The following GEMIN8 variants were observed in gnomAD, a reference collection of about 807,000 sequenced individuals.
GEMIN8 encodes gem-associated protein 8.
For missense variants in GEMIN8, 185 were observed against 205.9 expected, an observed-to-expected ratio of 0.90 and a Z score of 0.62; for synonymous variants, 80 against 78.5, an observed-to-expected ratio of 1.02 and a Z score of -0.10.
the GEMIN8 span, among the ~76,000 whole-genome samples, chrX:13,986,431 T>C: frequency 1.8e-5 from 2 of 112,451 alleles, no homozygotes; most frequent in Non-Finnish European, 3.8e-5. Flanking sequence ...AGTCCAGAGC[T>C]GGTGTGTGGC....
At chrX:14,013,545 T>C (rs1402918749) in intron 4 of GEMIN8, among the ~76,000 whole-genome samples, 2 of 111,626 alleles carry the variant, frequency 1.8e-5, no homozygotes. Context: ...AGGATCAAGA[T>C]GAGATCATAC....
At position 14,014,550 on chromosome X, in the gene GEMIN8, AAC is replaced by A. The variant is rs1454244684; in HGVS notation, c.473-5383_473-5382del. 4.0e-5 allele frequency: 30 copies of A among 746,399 alleles called. No homozygotes were observed. In the African/African-American group the frequency reaches 6.5e-4, roughly 16 times the overall value. 61.5% of individuals were successfully genotyped at this position (746,399 alleles called of 1,213,427 possible). The stretch of plus-strand genomic sequence containing the variant: ...ACCTGTGAATATCTGCACCAGATGA[AAC>A]ACACACGCATGTCAGGATTGTGCTC... On this transcript the variant is annotated intron_variant, in intron 4 of 4. Transcript: ENST00000680255.
chrX:14,011,516 C>CTTTTTTTTTTTTTTTTTTT lies in GEMIN8; in HGVS notation c.473-2366_473-2348dup, dbSNP rs575651297. Among the ~76,000 whole-genome samples the CTTTTTTTTTTTTTTTTTTT allele has an allele frequency of 1.3e-4, 8 of 60,399 alleles. 1 individual carries two copies. Among genetic ancestry groups the CTTTTTTTTTTTTTTTTTTT allele is most frequent in the African/African-American group, 5.6e-4 (8 of 14,411 alleles). The allele number at this position is 60,399 out of a possible 115,157, so 52.4% of individuals were successfully genotyped here. ...TACCCATTACCAATCCTATGGCTCT[C>CTTTTTTTTTTTTTTTTTTT]TTTTTTTTTTTTTTTTTTTTTTTTT... On this transcript the variant is annotated intron_variant, in intron 4 of 4. Coordinates refer to ENST00000680255, the MANE Select transcript of GEMIN8 (RefSeq NM_001042479.2).
At chrX:13,995,892 G>A in the GEMIN8 span, among the ~76,000 whole-genome samples, 61 of 111,419 alleles carry the variant, frequency 5.5e-4, no homozygotes, top group African/African-American at 1.9e-3. Context: ...ATTGTGGAAC[G>A]CTGGACACAC....
chrX:13,993,068 G>C, the GEMIN8 span, among the ~76,000 whole-genome samples: 1 of 112,038 alleles, frequency 8.9e-6, no homozygotes, highest in Non-Finnish European at 1.9e-5. Flanking sequence ...CAGTTCCACT[G>C]CCACTTCTCC....
At chrX:13,994,336 C>T in the GEMIN8 span, among the ~76,000 whole-genome samples, 7 of 111,351 alleles carry the variant, frequency 6.3e-5, no homozygotes, top group African/African-American at 2.0e-4. Context: ...CTATTCATTC[C>T]GGGAAGCTGA....
intron 1 of GEMIN8, among the ~76,000 whole-genome samples, chrX:14,027,788 A>G (rs953381811): frequency 8.9e-6 from 1 of 112,547 alleles, no homozygotes; most frequent in African/African-American, 3.2e-5. Context: ...TATCAGAATC[A>G]AAAGTGAAAT....
chrX:14,015,393 A>C (rs750541393), intron 4 of GEMIN8, among the ~76,000 whole-genome samples: 2 of 112,929 alleles, frequency 1.8e-5, no homozygotes, highest in Non-Finnish European at 3.7e-5. Flanking sequence ...TTGAAGCTTT[A>C]AGTAACGGAA....
At chrX:14,021,976 GTGTATATATAA>G (rs1483544758) in intron 2 of GEMIN8, among the ~76,000 whole-genome samples, 2 of 98,172 alleles carry the variant, frequency 2.0e-5, no homozygotes, top group African/African-American at 7.5e-5. Flanking sequence ...ATATATATGT[GTGTATATATAA>G]TGTATATATA....
the GEMIN8 span, among the ~76,000 whole-genome samples, chrX:13,993,390 C>T: frequency 9.1e-6 from 1 of 109,547 alleles, no homozygotes; most frequent in Non-Finnish European, 1.9e-5. Context: ...CACCTTAAGG[C>T]CACCACATTG....
rs370677973 is a variant in GEMIN8 at position 14,026,302 on chromosome X, C to A, written c.-115-81G>T. The A allele has an allele frequency of 1.2e-5, 9 of 750,783 alleles. No individual in the cohort carries two copies. In the African/African-American group the frequency reaches 1.6e-4, roughly 14 times the overall value. The allele number at this position is 750,783 out of a possible 1,213,427, so 61.9% of individuals were successfully genotyped here. A position where few individuals can be genotyped will look rare whatever the true frequency, so the allele number is the denominator to read the frequency against. ...ACCCGGCAGCCCTCTCCAGTGAGCA[C>A]AATGGCATAATGGCCACCACCCAGC... On this transcript the variant is annotated intron_variant, in intron 1 of 4. Coordinates refer to ENST00000680255, the MANE Select transcript of GEMIN8 (RefSeq NM_001042479.2).
At chrX:13,996,832 C>T in the GEMIN8 span, among the ~76,000 whole-genome samples, 1 of 111,071 alleles carries the variant, frequency 9.0e-6, no homozygotes, top group Non-Finnish European at 1.9e-5. Context: ...TTTTTCACCC[C>T]TCGAATCTGG....
At chrX:14,018,742 TTTTTCTTTTCTTTC>T in intron 4 of GEMIN8, among the ~76,000 whole-genome samples, 1 of 110,529 alleles carries the variant, frequency 9.0e-6, no homozygotes, top group East Asian at 2.8e-4. Flanking sequence ...CTTTCTTTTC[TTTTTCTTTTCTTTC>T]TTTTCTTTTC....
the GEMIN8 span, among the ~76,000 whole-genome samples, chrX:13,991,664 T>C: frequency 9.0e-6 from 1 of 111,629 alleles, no homozygotes; most frequent in Non-Finnish European, 1.9e-5. Flanking sequence ...TCCTAAGTAA[T>C]AGGGAGTAGT....
the GEMIN8 span, among the ~76,000 whole-genome samples, chrX:13,998,156 G>T: frequency 9.4e-6 from 1 of 105,837 alleles, no homozygotes; most frequent in Non-Finnish European, 1.9e-5. Flanking sequence ...GCTCTCTGCA[G>T]CTTGACTTCT....
chrX:14,010,564 AAAGATAT>A (rs1923467288), intron 4 of GEMIN8, among the ~76,000 whole-genome samples: 1 of 112,549 alleles, frequency 8.9e-6, no homozygotes, highest in Non-Finnish European at 1.9e-5. Context: ...GTGTGAATGG[AAAGATAT>A]TTATAAGGCC....
chrX:14,022,068 G>GTATA (rs1390938206), intron 2 of GEMIN8, among the ~76,000 whole-genome samples: 4 of 99,358 alleles, frequency 4.0e-5, no homozygotes, highest in East Asian at 6.4e-4. Flanking sequence ...GTGTGTGTGT[G>GTATA]TATATATATA....
chrX:14,016,844 CAAAAAAAAAAAAAAAAA>C (rs1174566527), intron 4 of GEMIN8, among the ~76,000 whole-genome samples: 1 of 22,580 alleles, frequency 4.4e-5, no homozygotes, highest in East Asian at 1.4e-3. Context: ...GAATCTGTCT[CAAAAAAAAAAAAAAAAA>C]AAAAAATATA....
chrX:14,002,329 T>TGACA (rs1161111635), downstream of GEMIN8, among the ~76,000 whole-genome samples: 4 of 99,556 alleles, frequency 4.0e-5, no homozygotes, highest in African/African-American at 7.5e-5. Flanking sequence ...GATAGATAGG[T>TGACA]GATAGATAGA....
Sources: gnomAD v4.1 joint callset for allele counts (sites outside exome capture counted in the v4.1 genomes callset) on GRCh38, gnomAD v4.1.1 for gene constraint, MANE v1.5 for transcripts, NCBI Gene and HGNC (gene_info 2026-07-23, HGNC 2026-07-21) for gene names.